Variants in ITGB7 observed in about 807,000 individuals in gnomAD.
The protein encoded by ITGB7 is integrin beta-7.
Under a neutral mutation model 83.4 loss-of-function variants are expected in ITGB7, and 55 were observed. That is an observed-to-expected ratio of 0.66 (90% confidence interval 0.53 to 0.83). The LOEUF (loss-of-function observed/expected upper bound fraction) is 0.83, where lower values mean the gene tolerates loss of function less well. Among genes scored for constraint, ITGB7 ranks in the 40% least tolerant of loss-of-function variants. The pLI is 0.00. For synonymous variants in ITGB7, 454 were observed against 423.6 expected (o/e 1.07, Z -0.88); for missense variants, 921 against 1,046.7 (o/e 0.88, Z 1.66).
intron 3 of ITGB7, among the ~76,000 whole-genome samples, chr12:53,199,958 C>G (rs1321804439): frequency 6.6e-6 from 1 of 152,230 alleles, no homozygotes; most frequent in African/African-American, 2.4e-5. Context: ...CAAGCACATA[C>G]TTTCTCCCAA....
intron 10 of ITGB7, 120 bp from the exon 11 acceptor site, chr12:53,194,021 C>A: frequency 1.5e-6 from 2 of 1,300,494 alleles, no homozygotes; most frequent in South Asian, 1.4e-5. Context: ...TGTTAACACC[C>A]AACTCCTAGA....
chr12:53,200,170 A>G, intron 3 of ITGB7, 73 bp downstream of exon 3: 1 of 1,292,076 alleles, frequency 7.7e-7, no homozygotes, highest in Non-Finnish European at 1.1e-6. Context: ...ACACACATAT[A>G]TCCAGGCTGC....
intron 1 of ITGB7, among the ~76,000 whole-genome samples, chr12:53,202,486 C>T (rs1942343105): frequency 6.6e-6 from 1 of 152,044 alleles, no homozygotes; most frequent in South Asian, 2.1e-4. Flanking sequence ...GCCCAAGTAT[C>T]TGGGACTACA....
At chr12:53,195,242 A>G (rs1555177545) in intron 9 of ITGB7, 132 bp downstream of exon 9, 3 of 677,520 alleles carry the variant, frequency 4.4e-6, no homozygotes, top group Non-Finnish European at 2.7e-6. Context: ...CATGCAGACT[A>G]TAGGTAGGAG....
chr12:53,194,057 C>T lies in ITGB7; in HGVS notation c.1308+141G>A, dbSNP rs141802577. ...AACATGCCTGAGGAAGCCACTCAGA[C>T]TGCTCCAGGAAGGATGGATGGAGGA... On this transcript the variant is annotated intron_variant, in intron 10 of 15. Transcript: ENST00000267082. 752 of 1,381,470 alleles carry T rather than the reference C, an allele frequency of 5.4e-4. 4 individuals are homozygous for T. Among genetic ancestry groups the T allele is most frequent in the Non-Finnish European group, 3.5e-5 (35 of 995,000 alleles). 85.6% of individuals were successfully genotyped at this position (1,381,470 alleles called of 1,614,324 possible).
chr12:53,196,507 C>T, intron 6 of ITGB7, 72 bp downstream of exon 6: 1 of 1,544,778 alleles, frequency 6.5e-7, no homozygotes, highest in Non-Finnish European at 8.8e-7. Flanking sequence ...GAACTGTGCA[C>T]TACACAACCA....
At chr12:53,205,066 C>T (rs1199246239) in intron 1 of ITGB7, among the ~76,000 whole-genome samples, 1 of 152,066 alleles carries the variant, frequency 6.6e-6, no homozygotes, top group East Asian at 1.9e-4. Context: ...TTCAAGTGAT[C>T]CACCCACCTC....
At chr12:53,197,719 C>T in intron 4 of ITGB7, 31 bp downstream of exon 4, 2 of 1,592,450 alleles carry the variant, frequency 1.3e-6, no homozygotes, top group South Asian at 1.1e-5. Flanking sequence ...CAGCCTAGAC[C>T]TCTGGCCTGG....
In ITGB7 at chr12:53,197,867, G is replaced by C; in HGVS notation, c.286C>G (p.Leu96Val). The C allele has an allele frequency of 6.5e-7, 1 of 1,534,202 alleles. No individual in the cohort carries two copies. Among genetic ancestry groups the C allele is most frequent in the South Asian group, 1.2e-5 (1 of 84,070 alleles). ...LLARGCPLEE[L>V]EEPRGQQEVL... ...TCCTGCTGGCCGCGGGGCTCCTCCAGCTCCTCCAGCGGGCAGCCTCGAGCC... is the reference window on the plus strand; with the variant it reads ...TCCTGCTGGCCGCGGGGCTCCTCCACCTCCTCCAGCGGGCAGCCTCGAGCC... The change falls in exon 4 of 16, where the codon CTG becomes GTG. Residue 96 changes from leucine (L) to valine (V), a missense_variant. Transcript: ENST00000267082.
chr12:53,195,739 G>A lies in ITGB7; in HGVS notation c.976-18C>T, dbSNP rs373436291. On this transcript the variant is annotated intron_variant, in intron 7 of 15. Coordinates refer to ENST00000267082, the MANE Select transcript of ITGB7 (RefSeq NM_000889.3). Reference sequence around the variant, plus strand: ...GGGTAGTCCTGGGACAGGGAGCAGGGACAAGGTGAGCCCCACAGGTTTCCC... The same window carrying A: ...GGGTAGTCCTGGGACAGGGAGCAGGAACAAGGTGAGCCCCACAGGTTTCCC... The A allele has an allele frequency of 6.3e-7, 1 of 1,588,936 alleles. No homozygotes were observed.
intron 5 of ITGB7, chr12:53,197,146 G>A: frequency 1.8e-6 from 1 of 548,074 alleles, no homozygotes; most frequent in East Asian, 3.2e-5. Flanking sequence ...AGAATGTGGA[G>A]CCAGGGACAG....
chr12:53,197,604 A>G lies in ITGB7; in HGVS notation c.463T>C (p.Tyr155His), dbSNP rs1459347438. ...GAGTAGCTCAGGTCCATAAGGTAGT[A>G]CAGGTCCACCGGGTATCCCTCAGCA... is the stretch of plus-strand genomic sequence containing the variant. ...LRAEGYPVDL[Y>H]YLMDLSYSMK... The change falls in exon 5 of 16, where the codon TAC becomes CAC. Residue 155 changes from tyrosine (Y) to histidine (H), a missense_variant. By Grantham distance (83) the Tyr-to-His change is moderately conservative. Coordinates refer to ENST00000267082, the MANE Select transcript of ITGB7 (RefSeq NM_000889.3). 8 of 1,614,022 alleles carry G rather than the reference A, an allele frequency of 5.0e-6. No homozygotes were observed. Among genetic ancestry groups the G allele is most frequent in the Non-Finnish European group, 6.8e-6 (8 of 1,179,988 alleles).
intron 1 of ITGB7, among the ~76,000 whole-genome samples, chr12:53,205,610 C>T (rs1485879044): frequency 1.3e-5 from 2 of 152,146 alleles, no homozygotes; most frequent in African/African-American, 4.8e-5. Flanking sequence ...ATTTCATCTA[C>T]ATTCTCATGC....
At position 53,193,619 on chromosome 12, in the gene ITGB7, TG is replaced by T. The variant is rs61761310; in HGVS notation, c.1502+88del. Reference sequence around the variant, plus strand: ...AGTCGGGATGTCGAGGAGACTCCTGTGGGGGGGATGGAAAGCAGCGGAGGAA... The same window carrying T: ...AGTCGGGATGTCGAGGAGACTCCTGTGGGGGGATGGAAAGCAGCGGAGGAA... On this transcript the variant is annotated intron_variant, in intron 11 of 15. Transcript: ENST00000267082. 8.8e-5 allele frequency: 102 copies of T among 1,161,046 alleles called. 1 individual carries two copies. In the South Asian group the frequency reaches 9.2e-4, roughly 10 times the overall value. The allele number at this position is 1,161,046 out of a possible 1,614,324, so 71.9% of individuals were successfully genotyped here.
chr12:53,191,834 G>A (rs371095321), intron 15 of ITGB7, 25 bp downstream of exon 15: 1 of 1,613,220 alleles, frequency 6.2e-7, no homozygotes, highest in African/African-American at 1.3e-5. Flanking sequence ...AGCTAAAAAG[G>A]GGCCTAACCA....
At chr12:53,204,315 G>A (rs972445286) in intron 1 of ITGB7, among the ~76,000 whole-genome samples, 3 of 151,864 alleles carry the variant, frequency 2.0e-5, no homozygotes, top group African/African-American at 7.3e-5. Context: ...AGGAGGCGGA[G>A]GTTGCAGTGA....
At chr12:53,205,716 A>G (rs899840034) in intron 1 of ITGB7, among the ~76,000 whole-genome samples, 7 of 152,176 alleles carry the variant, frequency 4.6e-5, no homozygotes, top group East Asian at 1.9e-4. Context: ...AGAAAGGCCA[A>G]CTAACTCCTT....
rs78312778 is a variant in ITGB7 at position 53,194,048 on chromosome 12, C to T, written c.1309-147G>A. ...ACTCCTAGAAACATGCCTGAGGAAGCCACTCAGACTGCTCCAGGAAGGATG... is the reference window on the plus strand; with the variant it reads ...ACTCCTAGAAACATGCCTGAGGAAGTCACTCAGACTGCTCCAGGAAGGATG... On this transcript the variant is annotated intron_variant, in intron 10 of 15. Coordinates refer to ENST00000267082, the MANE Select transcript of ITGB7 (RefSeq NM_000889.3). The T allele has an allele frequency of 1.6e-4, 219 of 1,328,504 alleles. No homozygotes were observed. The African/African-American group carries it at 2.9e-3, about 18-fold the overall frequency. 82.3% of individuals were successfully genotyped at this position (1,328,504 alleles called of 1,614,324 possible). A position where few individuals can be genotyped will look rare whatever the true frequency, so the allele number is the denominator to read the frequency against.
intron 6 of ITGB7, 28 bp downstream of exon 6, chr12:53,196,551 G>A (rs1240943031): frequency 6.3e-7 from 1 of 1,590,912 alleles, no homozygotes; most frequent in East Asian, 2.2e-5. Flanking sequence ...CAGACCTCCA[G>A]GCTCAGATCC....
Sources: allele counts gnomAD v4.1 joint callset (sites outside exome capture counted in the v4.1 genomes callset), GRCh38; gene constraint gnomAD v4.1.1; transcripts MANE v1.5; gene names NCBI Gene and HGNC (gene_info 2026-07-23, HGNC 2026-07-21).